The following TPRG1 variants were observed in gnomAD, a reference collection of about 807,000 sequenced individuals.
TPRG1 encodes the protein tumor protein p63 regulated 1, also known as tumor protein p63-regulated gene 1 protein.
A neutral mutation model predicts 29.3 loss-of-function variants in TPRG1; 29 were observed. The ratio of observed to expected loss-of-function variants is 0.99; its 90% CI spans 0.74 to 1.35. TPRG1 has a LOEUF of 1.35. Among genes scored for constraint, TPRG1 ranks in the 40% most tolerant of loss-of-function variants. The pLI is 0.00. For missense variants in TPRG1, 327 were observed against 335.0 expected (o/e 0.98, Z 0.19); for synonymous variants, 130 against 116.8 (o/e 1.11, Z -0.73).
chr3:189,101,308 G>A (rs1166878471), intron 1 of TPRG1, among the ~76,000 whole-genome samples: 1 of 151,992 alleles, frequency 6.6e-6, no homozygotes, highest in East Asian at 1.9e-4. Flanking sequence ...TCTAAGACAT[G>A]TAAAGTCTCA....
At chr3:189,086,189 G>A (rs1225023016) in intron 4 of TPRG1, among the ~76,000 whole-genome samples, 1 of 152,034 alleles carries the variant, frequency 6.6e-6, no homozygotes, top group Non-Finnish European at 1.5e-5. Context: ...ATGTTCAAGG[G>A]CAAGAAGCAT....
At chr3:189,224,931 CT>C (rs139957231) in intron 3 of TPRG1, among the ~76,000 whole-genome samples, 38,691 of 126,556 alleles carry the variant, frequency 0.31, 4,358 homozygotes, top group South Asian at 0.44. Flanking sequence ...CTTCCTTTTT[CT>C]TTTTTTTTTT....
intron 3 of TPRG1, among the ~76,000 whole-genome samples, chr3:189,135,318 C>G (rs1334484090): frequency 6.6e-6 from 1 of 152,220 alleles, no homozygotes; most frequent in Non-Finnish European, 1.5e-5. Flanking sequence ...CTTGTGGATC[C>G]TGGACGTGTA....
chr3:189,246,429 T>A (rs1741395480), intron 4 of TPRG1, among the ~76,000 whole-genome samples: 1 of 152,176 alleles, frequency 6.6e-6, no homozygotes, highest in Admixed American at 6.5e-5. Flanking sequence ...GTATTTAAAG[T>A]GTGTTTGTTG....
intron 5 of TPRG1, among the ~76,000 whole-genome samples, chr3:189,163,040 G>A (rs1411806203): frequency 6.6e-6 from 1 of 152,210 alleles, no homozygotes; most frequent in Non-Finnish European, 1.5e-5. Flanking sequence ...AGGAGGCCCA[G>A]GCGGGTGGGT....
At chr3:189,161,464 C>T (rs1727473805) in intron 5 of TPRG1, among the ~76,000 whole-genome samples, 2 of 103,038 alleles carry the variant, frequency 1.9e-5, no homozygotes, top group Admixed American at 9.3e-5. Context: ...GTAGTAGGTT[C>T]TTTTTTTTTA....
intron 5 of TPRG1, among the ~76,000 whole-genome samples, chr3:189,159,952 G>T (rs1016004214): frequency 6.6e-6 from 1 of 151,818 alleles, no homozygotes; most frequent in Non-Finnish European, 1.5e-5. Flanking sequence ...GTGTGTGAGG[G>T]GTTGGCTTTC....
intron 1 of TPRG1, among the ~76,000 whole-genome samples, chr3:189,183,951 G>A (rs1730582547): frequency 6.6e-6 from 1 of 151,524 alleles, no homozygotes; most frequent in Non-Finnish European, 1.5e-5. Flanking sequence ...GGTATTGATT[G>A]GGGAAGTGAT....
intron 1 of TPRG1, chr3:189,123,568 A>G (rs1722075913): frequency 6.6e-6 from 1 of 152,198 alleles, no homozygotes; most frequent in Non-Finnish European, 1.5e-5. Flanking sequence ...TCTCCTCCCA[A>G]CAAACAAAAG....
intron 1 of TPRG1, among the ~76,000 whole-genome samples, chr3:189,194,928 T>C (rs1216345872): frequency 6.6e-6 from 1 of 152,092 alleles, no homozygotes; most frequent in African/African-American, 2.4e-5. Context: ...TCTCAGCAGC[T>C]AAGACACCAC....
chr3:189,020,263 C>T (rs370418687), intron 3 of TPRG1, among the ~76,000 whole-genome samples: 4,985 of 150,314 alleles, frequency 0.033, 132 homozygotes, highest in Non-Finnish European at 0.052. Context: ...TTATTTCTTG[C>T]CTTCTGCTAG....
In TPRG1 at chr3:189,323,269, T is replaced by C. The variant is rs1724468192; in HGVS notation, c.*2449T>C. On this transcript the variant is annotated 3_prime_UTR_variant, in exon 6 of 6. Coordinates refer to ENST00000345063, the MANE Select transcript of TPRG1 (RefSeq NM_198485.4). ...ACCCTATCATTTTCCAAATAATTGT[T>C]GCTAGTACTTAGTTAATTAGACCCA... The C allele has an allele frequency of 6.6e-6, 1 of 152,254 alleles. No individual in the cohort carries two copies. Among genetic ancestry groups the C allele is most frequent in the South Asian group, 2.1e-4 (1 of 4,828 alleles). 9.4% of individuals were successfully genotyped at this position (152,254 alleles called of 1,614,324 possible). A position where few individuals can be genotyped will look rare whatever the true frequency, so the allele number is the denominator to read the frequency against.
intron 4 of TPRG1, among the ~76,000 whole-genome samples, chr3:189,243,801 T>C (rs990481450): frequency 4.6e-5 from 7 of 152,226 alleles, no homozygotes; most frequent in Admixed American, 2.6e-4. Flanking sequence ...AGTTCCTTGC[T>C]AAGGCATAAC....
chr3:189,210,379 C>T, intron 2 of TPRG1, among the ~76,000 whole-genome samples: 1 of 152,078 alleles, frequency 6.6e-6, no homozygotes, highest in East Asian at 1.9e-4. Context: ...TGCCCATGAC[C>T]TCATCATGAC....
intron 4 of TPRG1, among the ~76,000 whole-genome samples, chr3:189,042,684 C>T (rs1323718692): frequency 6.6e-6 from 1 of 151,856 alleles, no homozygotes; most frequent in Non-Finnish European, 1.5e-5. Flanking sequence ...TTGATGATCC[C>T]TCATGAAAAT....
At chr3:189,140,311 A>G (rs1321660791) in intron 3 of TPRG1, among the ~76,000 whole-genome samples, 1 of 152,178 alleles carries the variant, frequency 6.6e-6, no homozygotes, top group Admixed American at 6.5e-5. Flanking sequence ...TCCTGACCCC[A>G]GCCCTCCCTA....
rs535888329 is a variant in TPRG1 at position 189,141,036 on chromosome 3, T to G, written c.-290-6548T>G. Among the ~76,000 whole-genome samples, 3 of 152,296 alleles carry G rather than the reference T, an allele frequency of 2.0e-5. 1 individual carries two copies. Among genetic ancestry groups the G allele is most frequent in the African/African-American group, 7.2e-5 (3 of 41,566 alleles). ...TATTTGCACACAAGTACATCAAGCT[T>G]TATAAAATAGACTCTCCTTGAAGAA... On this transcript the variant is annotated intron_variant, in intron 3 of 6. Transcript: ENST00000412373.
chr3:189,072,536 G>A (rs908262573), intron 4 of TPRG1, among the ~76,000 whole-genome samples: 4 of 151,908 alleles, frequency 2.6e-5, no homozygotes, highest in Admixed American at 2.6e-4. Flanking sequence ...TTTTTCATGG[G>A]GCATACATCC....
chr3:189,217,644 G>A (rs1736271548), intron 3 of TPRG1, among the ~76,000 whole-genome samples: 1 of 152,074 alleles, frequency 6.6e-6, no homozygotes, highest in South Asian at 2.1e-4. Flanking sequence ...TTCTTTGCTT[G>A]TTAAAAACCT....
Sources: allele counts gnomAD v4.1 joint callset (sites outside exome capture counted in the v4.1 genomes callset), GRCh38; gene constraint gnomAD v4.1.1; transcripts MANE v1.5; gene names NCBI Gene and HGNC (gene_info 2026-07-23, HGNC 2026-07-21).